The following SH3BP5 variants were observed in gnomAD, a reference collection of about 807,000 sequenced individuals.
SH3BP5 encodes SH3 domain-binding protein 5.
Under a neutral mutation model 43.3 loss-of-function variants are expected in SH3BP5, and 22 were observed. That is an observed-to-expected ratio of 0.51 (90% CI 0.36 to 0.73). The LOEUF (loss-of-function observed/expected upper bound fraction) is 0.73, where lower values mean the gene tolerates loss of function less well. Ranked by LOEUF, SH3BP5 falls within the 30% of genes least tolerant of loss-of-function variation. SH3BP5 has a pLI of 0.00. For missense variants in SH3BP5, 529 were observed against 586.9 expected (o/e 0.90, Z 1.02); for synonymous variants, 255 against 225.8 (o/e 1.13, Z -1.16).
rs111850867 is a variant in SH3BP5 at position 15,308,012 on chromosome 3, G to T, written c.202-3781C>A. ...GAAAATTCACATTTAAAAAAAAAATGAATTCTCAAACTTTTCATTTAAAGA... is the reference window on the plus strand; with the variant it reads ...GAAAATTCACATTTAAAAAAAAAATTAATTCTCAAACTTTTCATTTAAAGA... On this transcript the variant is annotated intron_variant, in intron 2 of 8. Transcript: ENST00000383791. 6.6e-3 allele frequency among the ~76,000 whole-genome samples: 1,006 copies of T among 152,126 alleles called. 7 individuals are homozygous for T. Among genetic ancestry groups the T allele is most frequent in the South Asian group, 0.025 (121 of 4,806 alleles).
At chr3:15,263,275 G>A (rs1696519514) in intron 4 of SH3BP5, among the ~76,000 whole-genome samples, 1 of 152,218 alleles carries the variant, frequency 6.6e-6, no homozygotes, top group African/African-American at 2.4e-5. Flanking sequence ...CTGATGGGCA[G>A]GCAAATGGCC....
At chr3:15,333,543 A>G (rs1014579261), upstream of SH3BP5, among the ~76,000 whole-genome samples, 1 of 152,156 alleles carries the variant, frequency 6.6e-6, no homozygotes, top group African/African-American at 2.4e-5. Flanking sequence ...GGTGGCTCGT[A>G]TCTGTAATCC....
intron 3 of SH3BP5, among the ~76,000 whole-genome samples, chr3:15,270,170 A>G (rs867143858): frequency 2.0e-5 from 3 of 152,354 alleles, no homozygotes; most frequent in Middle Eastern, 6.8e-3. Flanking sequence ...ATCGTGGGAC[A>G]GGTACAGCCA....
chr3:15,303,847 A>T (rs1697822475), intron 3 of SH3BP5, among the ~76,000 whole-genome samples: 1 of 152,182 alleles, frequency 6.6e-6, no homozygotes. Context: ...CACCCTCTGG[A>T]CACGTCCCCT....
chr3:15,281,286 C>T (rs1003543303), intron 3 of SH3BP5, among the ~76,000 whole-genome samples: 4 of 152,098 alleles, frequency 2.6e-5, no homozygotes, highest in African/African-American at 7.2e-5. Flanking sequence ...ATTTTGATGC[C>T]GTGCACAAAA....
At chr3:15,327,625 C>T (rs914250386) in intron 2 of SH3BP5, among the ~76,000 whole-genome samples, 1 of 152,154 alleles carries the variant, frequency 6.6e-6, no homozygotes, top group African/African-American at 2.4e-5. Context: ...GTAATTATTA[C>T]CCCCGCTCTG....
At chr3:15,261,246 G>C (rs3773472) in intron 5 of SH3BP5, among the ~76,000 whole-genome samples, 41,345 of 152,204 alleles carry the variant, frequency 0.27, 8,566 homozygotes, top group African/African-American at 0.56. Context: ...TGGTTAAATG[G>C]TGTTCCTCTG....
At chr3:15,277,497 G>A (rs1697005613) in intron 3 of SH3BP5, among the ~76,000 whole-genome samples, 1 of 152,152 alleles carries the variant, frequency 6.6e-6, no homozygotes, top group Non-Finnish European at 1.5e-5. Flanking sequence ...TGTAGGAGCT[G>A]AGCTCATCCC....
In SH3BP5 at chr3:15,296,694, C is replaced by CTTTTTTTTTTTT. The variant is rs370273754; in HGVS notation, c.330+7397_330+7408dup. ...ATCCTCCACTTACGAAGTGTTTTTC[C>CTTTTTTTTTTTT]TTTTTTTTTTTTTTTTTGAGACAGG... On this transcript the variant is annotated intron_variant, in intron 3 of 8. Transcript: ENST00000383791. Among the ~76,000 whole-genome samples, 38 of 124,930 alleles carry CTTTTTTTTTTTT rather than the reference C, an allele frequency of 3.0e-4. 2 individuals carry two copies. The highest frequency in any genetic ancestry group is 1.3e-3 in the African/African-American group (37 of 28,944). The allele number at this position is 124,930 out of a possible 152,430, so 82.0% of individuals were successfully genotyped here.
chr3:15,258,724 G>T, intron 7 of SH3BP5, 107 bp downstream of exon 7: 1 of 955,776 alleles, frequency 1.0e-6, no homozygotes, highest in South Asian at 1.5e-5. Flanking sequence ...CCTCAGGCCT[G>T]CCCAACTCTG....
At chr3:15,276,710 G>T (rs1696980831) in intron 3 of SH3BP5, among the ~76,000 whole-genome samples, 1 of 152,312 alleles carries the variant, frequency 6.6e-6, no homozygotes, top group South Asian at 2.1e-4. Flanking sequence ...AAGTCAGGAA[G>T]AGAGCTCTCA....
intron 2 of SH3BP5, among the ~76,000 whole-genome samples, chr3:15,324,051 C>A (rs958197421): frequency 1.3e-5 from 2 of 152,218 alleles, no homozygotes. Context: ...CTGGCTCAGG[C>A]TACCCTGAAG....
upstream of SH3BP5, among the ~76,000 whole-genome samples, chr3:15,336,152 A>G (rs1698698305): frequency 6.6e-6 from 1 of 152,110 alleles, no homozygotes; most frequent in Non-Finnish European, 1.5e-5. Flanking sequence ...AGAAAGAAAG[A>G]AATGAGAAAG....
upstream of SH3BP5, chr3:15,332,644 C>G: frequency 8.6e-7 from 1 of 1,160,656 alleles, no homozygotes; most frequent in Non-Finnish European, 1.1e-6. Flanking sequence ...CCCGCTCCGC[C>G]CCCGTCCCGC....
At chr3:15,296,339 T>TACACACACACACAC (rs571693138) in intron 3 of SH3BP5, among the ~76,000 whole-genome samples, 26 of 126,558 alleles carry the variant, frequency 2.1e-4, no homozygotes, top group African/African-American at 1.1e-3. Context: ...GGGGAAATCA[T>TACACACACACACAC]ATACACACAC....
intron 1 of SH3BP5, chr3:15,339,893 G>A (rs1243622097): frequency 6.6e-6 from 1 of 151,582 alleles, no homozygotes; most frequent in Non-Finnish European, 1.5e-5. Flanking sequence ...CTATTGAAGT[G>A]ACGGCCTTTG....
chr3:15,304,345 C>T, intron 2 of SH3BP5, 114 bp from the exon 3 acceptor site: 1 of 1,488,878 alleles, frequency 6.7e-7, no homozygotes, highest in Non-Finnish European at 9.2e-7. Context: ...GTACAGACCC[C>T]TAAAGTAGCA....
At position 15,272,162 on chromosome 3, in the gene SH3BP5, AC is replaced by A. The variant is rs1262416276; in HGVS notation, c.331-2286del. On this transcript the variant is annotated intron_variant, in intron 3 of 8. Transcript: ENST00000383791. ...TGTGAAGAAGGTTAAAGAAGGGGGA[AC>A]AAAAAAATCAGAGACTCAGAGCACG... is the stretch of plus-strand genomic sequence containing the variant. Among the ~76,000 whole-genome samples the A allele has an allele frequency of 3.3e-5, 5 of 152,322 alleles. No individual in the cohort carries two copies. The East Asian group carries it at 7.7e-4, about 24-fold the overall frequency.
intron 1 of SH3BP5, chr3:15,330,847 A>C (rs1000492967): frequency 3.7e-6 from 2 of 544,884 alleles, no homozygotes; most frequent in African/African-American, 2.1e-5. Context: ...CTTCAGGTAA[A>C]CCCCACCTGT....
Sources: gnomAD v4.1 joint callset for allele counts (sites outside exome capture counted in the v4.1 genomes callset) on GRCh38, gnomAD v4.1.1 for gene constraint, MANE v1.5 for transcripts, NCBI Gene and HGNC (gene_info 2026-07-23, HGNC 2026-07-21) for gene names.